Variants in IQANK1 observed in about 807,000 individuals in gnomAD.
IQANK1 encodes the protein IQ motif and ankyrin repeat domain-containing protein 1.
Under a neutral mutation model 22.6 loss-of-function variants are expected in IQANK1, and 30 were observed. That is an observed-to-expected ratio of 1.33 (90% CI 0.99 to 1.80). IQANK1 has a LOEUF of 1.80. Among genes scored for constraint, IQANK1 ranks in the 40% most tolerant of loss-of-function variants. The pLI, the probability that IQANK1 is intolerant of heterozygous loss-of-function variation, is 0.00. For synonymous variants in IQANK1, 122 were observed against 99.6 expected (o/e 1.23, Z -1.34); for missense variants, 275 against 235.2 (o/e 1.17, Z -1.11).
chr8:143,748,840 A>AATATATAAATATATATTTC (rs1563770466), intron 3 of IQANK1, among the ~76,000 whole-genome samples: 3 of 115,132 alleles, frequency 2.6e-5, no homozygotes, highest in Non-Finnish European at 4.7e-5. Flanking sequence ...TTCATATATA[A>AATATATAAATATATATTTC]ATATATAAAT....
At chr8:143,784,986 C>G (rs372174934) in intron 7 of IQANK1, among the ~76,000 whole-genome samples, 1 of 152,334 alleles carries the variant, frequency 6.6e-6, no homozygotes, top group East Asian at 1.9e-4. Context: ...TACTAATTCT[C>G]TCTTCAGCTG....
Position 143,789,528 on chromosome 8 carries a change from GGTGGGGGCCC to G in IQANK1, c.1086+5_1086+14del, listed in dbSNP as rs1315712661. 3.3e-5 allele frequency: 41 copies of G among 1,232,156 alleles called. No individual in the cohort carries two copies. Among genetic ancestry groups the G allele is most frequent in the Non-Finnish European group, 3.7e-5 (37 of 988,198 alleles). The allele number at this position is 1,232,156 out of a possible 1,614,324, so 76.3% of individuals were successfully genotyped here. ...TGGACAAGACCAAGCTCACGCTGCA[GGTGGGGGCCC>G]GTGGTGGACTTGATATGCCCCTGCG... On this transcript the variant is annotated splice_donor_variant and splice_donor_5th_base_variant and intron_variant, in intron 10 of 13. Transcript: ENST00000527139. LOFTEE classifies it high-confidence loss of function.
rs149708274 is a variant in IQANK1 at position 143,781,280 on chromosome 8, A to G, written c.790-7635A>G. ...CTCCCATTCTGTAGGTGGTCTGTTTACTTTGCTGATAGTTTCTTTTGCTAT... is the reference window on the plus strand; with the variant it reads ...CTCCCATTCTGTAGGTGGTCTGTTTGCTTTGCTGATAGTTTCTTTTGCTAT... On this transcript the variant is annotated intron_variant, in intron 7 of 13. Coordinates refer to ENST00000527139, the MANE Select transcript of IQANK1 (RefSeq NM_001381874.1). 3.0e-4 allele frequency among the ~76,000 whole-genome samples: 46 copies of G among 152,156 alleles called. 1 individual carries two copies. In the East Asian group the frequency reaches 8.5e-3, roughly 28 times the overall value.
Position 143,739,885 on chromosome 8 carries a change from C to G in IQANK1, c.112C>G (p.Gln38Glu), listed in dbSNP as rs1182867615. 2 of 697,086 alleles carry G rather than the reference C, an allele frequency of 2.9e-6. No individual in the cohort carries two copies. The highest frequency in any genetic ancestry group is 3.0e-5 in the South Asian group (2 of 66,416). 43.2% of individuals were successfully genotyped at this position (697,086 alleles called of 1,614,324 possible). A position where few individuals can be genotyped will look rare whatever the true frequency, so the allele number is the denominator to read the frequency against. ...AGKPGENRPP[Q>E]RKAGWQAREP... Reference sequence around the variant, plus strand: ...GAAGCCCGGGGAGAACCGCCCGCCGCAGAGGAAAGCGGGCTGGCAGGCGAG... The same window carrying G: ...GAAGCCCGGGGAGAACCGCCCGCCGGAGAGGAAAGCGGGCTGGCAGGCGAG... Residue 38 changes from glutamine (Q) to glutamate (E), a missense_variant, in exon 3 of 14, where the codon CAG becomes GAG. Transcript: ENST00000527139.
chr8:143,766,537 G>C (rs371969879), intron 3 of IQANK1, among the ~76,000 whole-genome samples: 2 of 152,050 alleles, frequency 1.3e-5, no homozygotes, highest in Non-Finnish European at 2.9e-5. Flanking sequence ...CAGGCGTGGT[G>C]GTGGGCACTT....
At chr8:143,751,662 G>GTA (rs1187068578) in intron 3 of IQANK1, among the ~76,000 whole-genome samples, 3,433 of 54,354 alleles carry the variant, frequency 0.063, 160 homozygotes, top group East Asian at 0.15. Flanking sequence ...GTGTGTGTGT[G>GTA]TGTATATATA....
At chr8:143,756,970 C>A (rs1450845964) in intron 3 of IQANK1, among the ~76,000 whole-genome samples, 1 of 143,808 alleles carries the variant, frequency 7.0e-6, no homozygotes, top group African/African-American at 2.5e-5. Context: ...AGAATAGGAC[C>A]CTGTCTAAAA....
chr8:143,752,996 GTTTTTTTT>G (rs34993930), intron 3 of IQANK1, among the ~76,000 whole-genome samples: 4 of 69,938 alleles, frequency 5.7e-5, no homozygotes, highest in East Asian at 5.6e-4. Flanking sequence ...CTCTCTGTTC[GTTTTTTTT>G]TTTTTTTTTT....
In IQANK1 at chr8:143,790,481, CGCAGTTCCAGGAGCAGCGGCTGGA is replaced by C; in HGVS notation, c.1560_1583del (p.Gln520_Glu527del). On this transcript the variant is annotated inframe_deletion, in exon 14 of 14. Transcript: ENST00000527139. ...ACGGACGGGCCTGAGTATAGCCCCA[CGCAGTTCCAGGAGCAGCGGCTGGA>C]GCACTTCCGCCTCTTTTTCGTCACC... The C allele has an allele frequency of 2.4e-6, 1 of 420,326 alleles. No homozygotes were observed. Among genetic ancestry groups the C allele is most frequent in the Non-Finnish European group, 4.1e-6 (1 of 245,690 alleles). 26.0% of individuals were successfully genotyped at this position (420,326 alleles called of 1,614,324 possible).
chr8:143,748,083 C>T (rs1554627434), intron 3 of IQANK1, among the ~76,000 whole-genome samples: 1 of 151,832 alleles, frequency 6.6e-6, no homozygotes, highest in East Asian at 1.9e-4. Context: ...CAACCTCTGC[C>T]TCCCGGGCTC....
At chr8:143,756,036 C>T (rs570434399) in intron 3 of IQANK1, among the ~76,000 whole-genome samples, 6 of 152,304 alleles carry the variant, frequency 3.9e-5, no homozygotes, top group Non-Finnish European at 8.8e-5. Flanking sequence ...CCTGATGATC[C>T]CTCTTGGTAC....
At chr8:143,749,760 G>A (rs953639362) in intron 3 of IQANK1, among the ~76,000 whole-genome samples, 8 of 149,444 alleles carry the variant, frequency 5.4e-5, no homozygotes, top group Admixed American at 2.7e-4. Context: ...ATGGTGTTTC[G>A]CCCTGTTGGC....
In IQANK1 at chr8:143,772,118, C is replaced by T. The variant is rs533614574; in HGVS notation, c.538C>T (p.Arg180Ter). Residue 180 changes from arginine (R) to a stop codon, truncating the protein, a stop_gained, in exon 6 of 14, where the codon CGA becomes TGA. Transcript: ENST00000527139. LOFTEE classifies it high-confidence loss of function. ...DEAGEARRLQ[R>*]RVALAECEDS... ...GGCAGGCGAGGCGCGGCGGCTGCAG[C>T]GACGCGTGGCTCTGGCGGAGTGCGA... The T allele has an allele frequency of 1.8e-5, 7 of 395,724 alleles. No homozygotes were observed. 24.5% of individuals were successfully genotyped at this position (395,724 alleles called of 1,614,324 possible). A position where few individuals can be genotyped will look rare whatever the true frequency, so the allele number is the denominator to read the frequency against.
At chr8:143,776,469 A>G (rs529559730) in intron 7 of IQANK1, among the ~76,000 whole-genome samples, 1 of 152,342 alleles carries the variant, frequency 6.6e-6, no homozygotes, top group East Asian at 1.9e-4. Context: ...TCAGGCAACA[A>G]ATCAGAAAGA....
chr8:143,780,233 CA>C (rs1279635107), intron 7 of IQANK1, among the ~76,000 whole-genome samples: 1 of 152,078 alleles, frequency 6.6e-6, no homozygotes, highest in Non-Finnish European at 1.5e-5. Context: ...TTAATCCTCT[CA>C]ACAAACCTGA....
In IQANK1 at chr8:143,740,728, G is replaced by C. The variant is rs551159357; in HGVS notation, c.175+780G>C. Reference sequence around the variant, plus strand: ...GCAGGCCTGGCACCGGCAGCCACCTGTCCTCCCCAGCCCAGGCCCGGCACC... The same window carrying C: ...GCAGGCCTGGCACCGGCAGCCACCTCTCCTCCCCAGCCCAGGCCCGGCACC... On this transcript the variant is annotated intron_variant, in intron 3 of 13. Coordinates refer to ENST00000527139, the MANE Select transcript of IQANK1 (RefSeq NM_001381874.1). Among the ~76,000 whole-genome samples, 6 of 152,290 alleles carry C rather than the reference G, an allele frequency of 3.9e-5. No homozygotes were observed. The South Asian group carries it at 1.2e-3, about 32-fold the overall frequency.
intron 7 of IQANK1, among the ~76,000 whole-genome samples, chr8:143,785,011 T>C (rs1819860899): frequency 6.6e-6 from 1 of 152,268 alleles, no homozygotes; most frequent in African/African-American, 2.4e-5. Flanking sequence ...TAGCTAGTTA[T>C]TAAATCCATG....
chr8:143,741,673 C>A (rs766624760), intron 3 of IQANK1: 1 of 152,566 alleles, frequency 6.6e-6, no homozygotes, highest in African/African-American at 2.4e-5. Flanking sequence ...TGCTAGGCTC[C>A]AGCCCACAGC....
chr8:143,742,058 C>G (rs1397799929), intron 3 of IQANK1: 2 of 297,884 alleles, frequency 6.7e-6, no homozygotes, highest in East Asian at 1.6e-4. Context: ...TCTGTGCCCT[C>G]GCTGCGGCCG....
Sources: allele counts gnomAD v4.1 joint callset (sites outside exome capture counted in the v4.1 genomes callset), GRCh38; gene constraint gnomAD v4.1.1; transcripts MANE v1.5; gene names NCBI Gene and HGNC (gene_info 2026-07-23, HGNC 2026-07-21).